Variants in FAM20C observed in about 807,000 individuals in gnomAD.
FAM20C encodes FAM20C golgi associated secretory pathway kinase, also known as extracellular serine/threonine protein kinase FAM20C.
FAM20C carries 40 observed loss-of-function variants against 51.5 expected under a neutral mutation model. That is an observed-to-expected ratio of 0.78 (90% CI 0.60 to 1.01). The LOEUF is 1.01. Among genes scored for constraint, FAM20C ranks in the 50% least tolerant of loss-of-function variants. The pLI, the probability that FAM20C is intolerant of heterozygous loss-of-function variation, is 0.00. For synonymous variants in FAM20C, 406 were observed against 380.6 expected (o/e 1.07, Z -0.78); for missense variants, 861 against 844.7 (o/e 1.02, Z -0.24).
At chr7:205,856 C>G (rs1786355550) in intron 2 of FAM20C, among the ~76,000 whole-genome samples, 1 of 152,128 alleles carries the variant, frequency 6.6e-6, no homozygotes, top group Non-Finnish European at 1.5e-5. Context: ...AGCCCGCTGT[C>G]CTCACGCTGA....
rs1785714525 is a variant in FAM20C at position 193,801 on chromosome 7, A to G, written c.602A>G (p.Asp201Gly). Residue 201 changes from aspartate (D) to glycine (G), a missense_variant, in exon 1 of 10, where the codon GAC becomes GGC. Around this residue, in one of 3 missense-constraint regions of FAM20C, gnomAD observed 561 missense variants for 499.8 expected, o/e 1.12. Coordinates refer to ENST00000313766, the MANE Select transcript of FAM20C (RefSeq NM_020223.4). Reference protein sequence around the residue: ...RLSPKAAENPDWPHAGAEGAE... With the variant: ...RLSPKAAENPGWPHAGAEGAE... ...AGCCCCAAAGCGGCGGAGAACCCGGACTGGTGAGTGGGGGCTGGCAGGTGC... is the reference window on the plus strand; with the variant it reads ...AGCCCCAAAGCGGCGGAGAACCCGGGCTGGTGAGTGGGGGCTGGCAGGTGC... 1 of 1,555,842 alleles carries G rather than the reference A, an allele frequency of 6.4e-7. No homozygotes were observed. Among genetic ancestry groups the G allele is most frequent in the Admixed American group, 1.9e-5 (1 of 52,398 alleles).
chr7:202,087 G>T (rs1786155190), intron 2 of FAM20C, among the ~76,000 whole-genome samples: 1 of 152,238 alleles, frequency 6.6e-6, no homozygotes, highest in African/African-American at 2.4e-5. Flanking sequence ...AAGTTGGTGG[G>T]TTAAGTGGTG....
At chr7:255,755 AG>A in intron 5 of FAM20C, 93 bp from the exon 6 acceptor site, 1 of 1,376,896 alleles carries the variant, frequency 7.3e-7, no homozygotes, top group Non-Finnish European at 1.0e-6. Context: ...GAGAAGCACC[AG>A]GCAGAGCCCG....
At chr7:216,682 AGAGTGTGTGT>A (rs1786995223) in intron 3 of FAM20C, among the ~76,000 whole-genome samples, 1 of 143,600 alleles carries the variant, frequency 7.0e-6, no homozygotes, top group African/African-American at 2.6e-5. Context: ...AGTGTGTGTG[AGAGTGTGTGT>A]GTGTGTGAGA....
intron 3 of FAM20C, among the ~76,000 whole-genome samples, chr7:220,720 G>C (rs1210118417): frequency 6.6e-6 from 1 of 152,198 alleles, no homozygotes; most frequent in Admixed American, 6.5e-5. Context: ...AGAGGCCGGA[G>C]GGAGGGCGGG....
chr7:255,790 C>T (rs1788567407), intron 5 of FAM20C, 59 bp from the exon 6 acceptor site: 3 of 1,526,484 alleles, frequency 2.0e-6, no homozygotes, highest in Middle Eastern at 1.7e-4. Flanking sequence ...GGCCGTGAGA[C>T]CACAGGTGAG....
At position 193,191 on chromosome 7, in the gene FAM20C, C is replaced by A; in HGVS notation, c.-9C>A. On this transcript the variant is annotated 5_prime_UTR_variant, in exon 1 of 10. Transcript: ENST00000313766. The stretch of plus-strand genomic sequence containing the variant: ...AACGCGCTCCAGGCCCGGGCCGGCC[C>A]GCGCGGCCATGAAGATGATGCTGGT... The A allele has an allele frequency of 6.9e-7, 1 of 1,452,842 alleles. No individual in the cohort carries two copies. The highest frequency in any genetic ancestry group is 9.1e-7 in the Non-Finnish European group (1 of 1,096,924). 90.0% of individuals were successfully genotyped at this position (1,452,842 alleles called of 1,614,324 possible). A position where few individuals can be genotyped will look rare whatever the true frequency, so the allele number is the denominator to read the frequency against.
In FAM20C at chr7:201,426, C is replaced by T. The variant is rs148133017; in HGVS notation, c.784+5694C>T. On this transcript the variant is annotated intron_variant, in intron 2 of 9. Transcript: ENST00000313766. ...TTGTTAGAAAGGGTTCCTGCTCCCA[C>T]GAGAAACCAAGGATGAGTGGTGGCT... is the stretch of plus-strand genomic sequence containing the variant. Among the ~76,000 whole-genome samples, 18 of 152,300 alleles carry T rather than the reference C, an allele frequency of 1.2e-4. No individual in the cohort carries two copies. The East Asian group carries it at 2.1e-3, about 18-fold the overall frequency.
rs1554254230 is a variant in FAM20C, at chr7:241,579, T to TGC, written c.864-4835_864-4834dup. ...GGTTGTGTGTGTGTGTGTGTGTGTG[T>TGC]GCACTCCTGCGAGTGTGCATATATG... is the stretch of plus-strand genomic sequence containing the variant. On this transcript the variant is annotated intron_variant, in intron 3 of 9. Coordinates refer to ENST00000313766, the MANE Select transcript of FAM20C (RefSeq NM_020223.4). 6.5e-3 allele frequency among the ~76,000 whole-genome samples: 984 copies of TGC among 150,404 alleles called. 18 individuals are homozygous for TGC. The highest frequency in any genetic ancestry group is 0.023 in the African/African-American group (930 of 40,928).
intron 2 of FAM20C, among the ~76,000 whole-genome samples, chr7:201,215 A>G (rs1786112849): frequency 6.6e-6 from 1 of 152,172 alleles, no homozygotes; most frequent in African/African-American, 2.4e-5. Context: ...TGTGAAGAGC[A>G]GGGGGACCGC....
intron 3 of FAM20C, among the ~76,000 whole-genome samples, chr7:244,972 C>T (rs143037110): frequency 0.09 from 13,650 of 152,252 alleles, 713 homozygotes; most frequent in Non-Finnish European, 0.1. Context: ...ACGGGAGCCA[C>T]GGGCTGGTGT....
intron 2 of FAM20C, among the ~76,000 whole-genome samples, chr7:208,342 TTGTGTGTACTGTAGGGTGTGG>T (rs374444409): frequency 0.049 from 7,189 of 146,828 alleles, 511 homozygotes; most frequent in African/African-American, 0.16. Flanking sequence ...TAGGTGTGTG[TTGTGTGTACTGTAGGGTGTGG>T]TGTGTGTAGG....
chr7:222,700 C>A (rs1489052083), intron 3 of FAM20C, among the ~76,000 whole-genome samples: 1 of 152,192 alleles, frequency 6.6e-6, no homozygotes, highest in African/African-American at 2.4e-5. Context: ...GGAGGCAGCA[C>A]CGTGGCAGGC....
At chr7:195,275 C>T (rs1032558463) in intron 1 of FAM20C, 12 of 366,530 alleles carry the variant, frequency 3.3e-5, no homozygotes, top group South Asian at 1.2e-4. Flanking sequence ...GCAGCGCTGA[C>T]GTCCTGGAAT....
At chr7:254,596 A>C (rs1315278469) in intron 5 of FAM20C, among the ~76,000 whole-genome samples, 1 of 152,252 alleles carries the variant, frequency 6.6e-6, no homozygotes. Context: ...TTCTTTCTTT[A>C]TTAAGGTATA....
At position 193,538 on chromosome 7, in the gene FAM20C, G is replaced by A. The variant is rs1158807272; in HGVS notation, c.339G>A (p.Ala113=). Residue 113 remains alanine, a synonymous_variant, in exon 1 of 10, where the codon GCG becomes GCA. Coordinates refer to ENST00000313766, the MANE Select transcript of FAM20C (RefSeq NM_020223.4). ...SSHSLEKLPP[A]AEPAERALRG... ...ACTCGCTGGAGAAACTGCCGCCCGC[G>A]GCCGAGCCGGCCGAGCGCGCCTTGC... is the stretch of plus-strand genomic sequence containing the variant. 4 of 1,493,818 alleles carry A rather than the reference G, an allele frequency of 2.7e-6. No individual in the cohort carries two copies. Among genetic ancestry groups the A allele is most frequent in the African/African-American group, 1.5e-5 (1 of 68,548 alleles). 92.5% of individuals were successfully genotyped at this position (1,493,818 alleles called of 1,614,324 possible).
At chr7:201,389 AGGTTGG>A (rs560713839) in intron 2 of FAM20C, among the ~76,000 whole-genome samples, 178 of 152,290 alleles carry the variant, frequency 1.2e-3, no homozygotes, top group African/African-American at 4.2e-3. Flanking sequence ...ATTTAAAGTC[AGGTTGG>A]GGTTGTTGTT....
At chr7:258,587 A>G (rs984490279) in intron 8 of FAM20C, 59 bp from the exon 9 acceptor site, 8 of 1,516,548 alleles carry the variant, frequency 5.3e-6, no homozygotes, top group African/African-American at 2.8e-5. Context: ...CTCCCAGCCC[A>G]GCAGCCTGTT....
intron 3 of FAM20C, among the ~76,000 whole-genome samples, chr7:234,208 G>A (rs961908482): frequency 2.6e-5 from 4 of 152,232 alleles, no homozygotes; most frequent in East Asian, 1.9e-4. Flanking sequence ...GATTTCACCC[G>A]GTTCTGCCGA....
Sources: allele counts gnomAD v4.1 joint callset (sites outside exome capture counted in the v4.1 genomes callset), GRCh38; gene constraint gnomAD v4.1.1; regional missense constraint gnomAD v4.1.1; transcripts MANE v1.5; gene names NCBI Gene and HGNC (gene_info 2026-07-23, HGNC 2026-07-21).